The following PPP5C variants were observed in gnomAD, a reference collection of about 807,000 sequenced individuals.
PPP5C encodes the protein serine/threonine-protein phosphatase 5.
A neutral mutation model predicts 66.7 loss-of-function variants in PPP5C; 21 were observed. The ratio of observed to expected loss-of-function variants is 0.31; its 90% CI spans 0.22 to 0.45. PPP5C has a LOEUF of 0.45. Among genes scored for constraint, PPP5C ranks in the 20% least tolerant of loss-of-function variants. The pLI, the probability that PPP5C is intolerant of heterozygous loss-of-function variation, is 1.00. For missense variants in PPP5C, 464 were observed against 675.9 expected, an observed-to-expected ratio of 0.69 and a Z score of 3.48; for synonymous variants, 246 against 257.4, an observed-to-expected ratio of 0.96 and a Z score of 0.43.
intron 2 of PPP5C, among the ~76,000 whole-genome samples, chr19:46,355,713 CG>C (rs1221637599): frequency 6.6e-6 from 1 of 152,104 alleles, no homozygotes; most frequent in Non-Finnish European, 1.5e-5. Context: ...TGGCCGCCTC[CG>C]GATGGCTGTG....
chr19:46,385,729 G>T (rs1031006847), intron 7 of PPP5C, among the ~76,000 whole-genome samples: 1 of 151,210 alleles, frequency 6.6e-6, no homozygotes, highest in Non-Finnish European at 1.5e-5. Flanking sequence ...GCAATGAGCC[G>T]AGATTGCGCC....
Position 46,376,356 on chromosome 19 carries a change from C to A in PPP5C, c.512-97C>A. ...TCTGTCCCGCTCTCGACCTGTGTGT[C>A]CACACCCAAGTTTTCCCCATCCCTG... On this transcript the variant is annotated intron_variant, in intron 3 of 12. Transcript: ENST00000012443. This position sits in a 1 kb window ranked among gnomAD's most constrained non-coding sequence, Gnocchi z 5.1. 6.7e-7 allele frequency: 1 copy of A among 1,501,350 alleles called. No homozygotes were observed. The highest frequency in any genetic ancestry group is 9.1e-7 in the Non-Finnish European group (1 of 1,098,600). 93.0% of individuals were successfully genotyped at this position (1,501,350 alleles called of 1,614,324 possible).
At chr19:46,366,300 T>A (rs896878924) in intron 2 of PPP5C, among the ~76,000 whole-genome samples, 1 of 152,030 alleles carries the variant, frequency 6.6e-6, no homozygotes, top group African/African-American at 2.4e-5. Context: ...GGAAACACTT[T>A]AAGTTACCTT....
chr19:46,387,971 T>G, intron 9 of PPP5C: 1 of 272,590 alleles, frequency 3.7e-6, no homozygotes, highest in Non-Finnish European at 7.2e-6. Context: ...GGAGGGGTCC[T>G]AAGGCAGGGA....
chr19:46,390,975 C>T lies in PPP5C; in HGVS notation c.*629C>T, dbSNP rs1257039090. 20 of 1,201,700 alleles carry T rather than the reference C, an allele frequency of 1.7e-5. No individual in the cohort carries two copies. The highest frequency in any genetic ancestry group is 5.8e-5 in the East Asian group (1 of 17,104). 74.4% of individuals were successfully genotyped at this position (1,201,700 alleles called of 1,614,324 possible). ...CGGGCCCACCCAGCTCTGGGCTGAC[C>T]GCCCAAGTGGCCTCTGCCTCTGCCC... On this transcript the variant is annotated 3_prime_UTR_variant, in exon 13 of 13. Coordinates refer to ENST00000012443, the MANE Select transcript of PPP5C (RefSeq NM_006247.4).
chr19:46,374,403 G>A (rs1454854457), intron 2 of PPP5C, among the ~76,000 whole-genome samples: 1 of 151,976 alleles, frequency 6.6e-6, no homozygotes, highest in African/African-American at 2.4e-5. Context: ...AGATACGGGG[G>A]TCTGCTCCTG....
At chr19:46,390,183 G>T in intron 12 of PPP5C, 51 bp downstream of exon 12, 1 of 1,610,060 alleles carries the variant, frequency 6.2e-7, no homozygotes. Context: ...CTGGGGACAA[G>T]GAGGCTGAGA....
In PPP5C at chr19:46,383,336, G is replaced by A. The variant is rs753060425; in HGVS notation, c.634-75G>A. ...CCCTCAGCCCAGCAGCGTCTCATGGGCAGTCCAGGCTTTCGGGGCCAGGTT... is the reference window on the plus strand; with the variant it reads ...CCCTCAGCCCAGCAGCGTCTCATGGACAGTCCAGGCTTTCGGGGCCAGGTT... On this transcript the variant is annotated intron_variant, in intron 4 of 12. Transcript: ENST00000012443. This position sits in a 1 kb window ranked among gnomAD's most constrained non-coding sequence, Gnocchi z 5.0. 11 of 1,569,854 alleles carry A rather than the reference G, an allele frequency of 7.0e-6. No individual in the cohort carries two copies. In the African/African-American group the frequency reaches 1.1e-4, roughly 16 times the overall value.
intron 6 of PPP5C, chr19:46,384,079 C>G (rs1273815883): frequency 1.7e-6 from 1 of 582,878 alleles, no homozygotes; most frequent in African/African-American, 1.9e-5. Flanking sequence ...AGGCCTGGGC[C>G]AGCACCCACC....
At chr19:46,363,307 CAAAAAAAAAA>C (rs1158423038) in intron 2 of PPP5C, among the ~76,000 whole-genome samples, 1 of 27,944 alleles carries the variant, frequency 3.6e-5, no homozygotes, top group African/African-American at 1.8e-4. Context: ...GACTCCATCT[CAAAAAAAAAA>C]AAAAAAAAAA....
rs369574619 is a variant in PPP5C at position 46,365,589 on chromosome 19, G to A, written c.364-10015G>A. Among the ~76,000 whole-genome samples, 6 of 152,232 alleles carry A rather than the reference G, an allele frequency of 3.9e-5. No individual in the cohort carries two copies. In the South Asian group the frequency reaches 1.2e-3, roughly 32 times the overall value. ...ACCTTGTGGCAGCAGAGTGCTTCAG[G>A]TATCAGAGTGACCAGTCCCTTATTC... On this transcript the variant is annotated intron_variant, in intron 2 of 12. Transcript: ENST00000012443.
chr19:46,351,820 G>C (rs904784472), intron 1 of PPP5C, among the ~76,000 whole-genome samples: 1 of 152,282 alleles, frequency 6.6e-6, no homozygotes, highest in African/African-American at 2.4e-5. Flanking sequence ...GACGATGAGA[G>C]TGGACAGGGC....
At chr19:46,371,528 T>C (rs1293816509) in intron 2 of PPP5C, among the ~76,000 whole-genome samples, 1 of 152,162 alleles carries the variant, frequency 6.6e-6, no homozygotes, top group Non-Finnish European at 1.5e-5. Context: ...CTCACTCCAC[T>C]GAGGTTGCAC....
intron 2 of PPP5C, among the ~76,000 whole-genome samples, chr19:46,367,899 G>A (rs925872603): frequency 9.2e-5 from 14 of 152,144 alleles, no homozygotes; most frequent in African/African-American, 3.4e-4. Context: ...GCTCAGGTCC[G>A]ACTCTCAGTG....
chr19:46,384,764 C>CGGG, intron 6 of PPP5C, 40 bp from the exon 7 acceptor site: 61 of 1,191,988 alleles, frequency 5.1e-5, no homozygotes, highest in Non-Finnish European at 7.5e-5. Context: ...GCACCGCACC[C>CGGG]TTCCCCTCCA....
intron 4 of PPP5C, chr19:46,382,518 C>T (rs1016279537): frequency 6.6e-6 from 1 of 152,326 alleles, no homozygotes; most frequent in African/African-American, 2.4e-5. Context: ...GTCAGACCTA[C>T]AGAGAGCTGA....
At chr19:46,350,503 G>T (rs1312428973) in intron 1 of PPP5C, among the ~76,000 whole-genome samples, 4 of 152,204 alleles carry the variant, frequency 2.6e-5, no homozygotes, top group Non-Finnish European at 5.9e-5. Context: ...AGCCAGAGGG[G>T]CCTGGCACTG....
At chr19:46,387,703 A>T in intron 9 of PPP5C, 4 of 1,418,852 alleles carry the variant, frequency 2.8e-6, no homozygotes, top group Non-Finnish European at 3.7e-6. Context: ...GTCCTTATTT[A>T]TTTGTGAGTT....
intron 9 of PPP5C, chr19:46,387,874 CT>C: frequency 1.9e-6 from 1 of 524,838 alleles, no homozygotes; most frequent in Non-Finnish European, 2.9e-6. Flanking sequence ...AGGAAGGCCT[CT>C]CCAGGGAGGC....
Sources: allele counts gnomAD v4.1 joint callset (sites outside exome capture counted in the v4.1 genomes callset), GRCh38; gene constraint gnomAD v4.1.1; non-coding constraint Gnocchi (gnomAD v3.1); transcripts MANE v1.5; gene names NCBI Gene and HGNC (gene_info 2026-07-23, HGNC 2026-07-21).